Variants in TMEM178B observed in about 807,000 individuals in gnomAD.
The protein encoded by TMEM178B is transmembrane protein 178B.
Under a neutral mutation model 31.0 loss-of-function variants are expected in TMEM178B, and 5 were observed. That is an observed-to-expected ratio of 0.16 (90% CI 0.08 to 0.34). The LOEUF (loss-of-function observed/expected upper bound fraction) is 0.34, where lower values mean the gene tolerates loss of function less well. Ranked by LOEUF, TMEM178B falls within the 10% of genes least tolerant of loss-of-function variation. The pLI, the probability that TMEM178B is intolerant of heterozygous loss-of-function variation, is 1.00. For synonymous variants in TMEM178B, 164 were observed against 164.0 expected (o/e 1.00, Z 0.00); for missense variants, 275 against 400.3 (o/e 0.69, Z 2.67).
intron 1 of TMEM178B, among the ~76,000 whole-genome samples, chr7:141,094,117 A>G (rs988293395): frequency 2.6e-5 from 4 of 152,184 alleles, no homozygotes; most frequent in Non-Finnish European, 5.9e-5. Context: ...AAAAACAAAA[A>G]GGAGAGAATA....
intron 2 of TMEM178B, among the ~76,000 whole-genome samples, chr7:141,245,692 C>G (rs1797719753): frequency 1.3e-5 from 2 of 152,170 alleles, no homozygotes; most frequent in South Asian, 4.2e-4. Context: ...AGCCAGCTCC[C>G]CTGATGGAAC....
At chr7:141,181,879 A>G (rs1324410466) in intron 1 of TMEM178B, among the ~76,000 whole-genome samples, 1 of 152,160 alleles carries the variant, frequency 6.6e-6, no homozygotes, top group Non-Finnish European at 1.5e-5. Flanking sequence ...CCCAACTAGG[A>G]GGCTCGCCTC....
chr7:141,291,295 T>A (rs1051393233), intron 2 of TMEM178B, among the ~76,000 whole-genome samples: 2 of 152,092 alleles, frequency 1.3e-5, no homozygotes, highest in African/African-American at 4.8e-5. Flanking sequence ...CTTTTTATGA[T>A]CTCGAGGCCT....
At chr7:141,413,680 T>C (rs1801044558) in intron 2 of TMEM178B, among the ~76,000 whole-genome samples, 1 of 152,246 alleles carries the variant, frequency 6.6e-6, no homozygotes, top group Non-Finnish European at 1.5e-5. Flanking sequence ...AATGCCTCCA[T>C]GGAAGGACAG....
the TMEM178B span, among the ~76,000 whole-genome samples, chr7:141,507,780 C>T: frequency 6.6e-6 from 1 of 152,306 alleles, no homozygotes; most frequent in East Asian, 1.9e-4. Context: ...GTATGTTGGC[C>T]CCTTTCAGCC....
At chr7:141,086,068 A>G (rs1794783112) in intron 1 of TMEM178B, among the ~76,000 whole-genome samples, 1 of 152,038 alleles carries the variant, frequency 6.6e-6, no homozygotes, top group Admixed American at 6.6e-5. Flanking sequence ...ACCGAGTCTT[A>G]CTCTGTCGCT....
intron 2 of TMEM178B, among the ~76,000 whole-genome samples, chr7:141,338,658 TA>T (rs1799466077): frequency 6.6e-6 from 1 of 152,110 alleles, no homozygotes; most frequent in South Asian, 2.1e-4. Context: ...TGGGACACTG[TA>T]TGCAGTATGA....
intron 2 of TMEM178B, among the ~76,000 whole-genome samples, chr7:141,354,651 AAATCC>A (rs1284777896): frequency 6.6e-6 from 1 of 152,170 alleles, no homozygotes; most frequent in African/African-American, 2.4e-5. Context: ...CCCCAAAGTC[AAATCC>A]TTTTAAGCCT....
In TMEM178B at chr7:141,227,451, T is replaced by A. The variant is rs549932822; in HGVS notation, c.496+14747T>A. Among the ~76,000 whole-genome samples, 37 of 152,328 alleles carry A rather than the reference T, an allele frequency of 2.4e-4. 1 individual carries two copies. The South Asian group carries it at 6.8e-3, about 28-fold the overall frequency. On this transcript the variant is annotated intron_variant, in intron 2 of 3. Coordinates refer to ENST00000565468, the MANE Select transcript of TMEM178B (RefSeq NM_001195278.2). ...CAGAGGCTGTGCTAAGTGCCTGACATACCTTATTCACTGAAATCTCAAATG... is the reference window on the plus strand; with the variant it reads ...CAGAGGCTGTGCTAAGTGCCTGACAAACCTTATTCACTGAAATCTCAAATG...
chr7:141,303,862 G>A (rs2116445785), intron 2 of TMEM178B, among the ~76,000 whole-genome samples: 1 of 152,334 alleles, frequency 6.6e-6, no homozygotes, highest in South Asian at 2.1e-4. Context: ...CAGGCACTAT[G>A]CAAAGTGCAT....
intron 2 of TMEM178B, among the ~76,000 whole-genome samples, chr7:141,423,330 A>G (rs1356768570): frequency 6.6e-6 from 1 of 152,242 alleles, no homozygotes; most frequent in Non-Finnish European, 1.5e-5. Flanking sequence ...TGCCCAGCCC[A>G]TAATGTACTT....
Position 141,244,416 on chromosome 7 carries a change from A to G in TMEM178B, c.496+31712A>G, listed in dbSNP as rs553200937. Among the ~76,000 whole-genome samples, 66 of 152,344 alleles carry G rather than the reference A, an allele frequency of 4.3e-4. 1 individual carries two copies. Among genetic ancestry groups the G allele is most frequent in the African/African-American group, 1.5e-3 (64 of 41,580 alleles). ...CTATGACTGGGATAACTGGAGAGAA[A>G]GGAAGATGACATTTTGAGTTGGAAT... On this transcript the variant is annotated intron_variant, in intron 2 of 3. Transcript: ENST00000565468.
chr7:141,365,313 A>G (rs548513721), intron 2 of TMEM178B, among the ~76,000 whole-genome samples: 4 of 152,224 alleles, frequency 2.6e-5, no homozygotes, highest in Admixed American at 1.3e-4. Context: ...GGACATCTGT[A>G]AAATGAGGCA....
In TMEM178B at chr7:141,237,222, G is replaced by GT. The variant is rs1295216972; in HGVS notation, c.496+24520dup. 2.6e-5 allele frequency among the ~76,000 whole-genome samples: 4 copies of GT among 152,170 alleles called. No homozygotes were observed. The South Asian group carries it at 8.3e-4, about 32-fold the overall frequency. On this transcript the variant is annotated intron_variant, in intron 2 of 3. Transcript: ENST00000565468. ...CAATATTTATCACAAGTCTTAGAATGTTCATACTCTGTGACTAAGTAATCC... is the reference window on the plus strand; with the variant it reads ...CAATATTTATCACAAGTCTTAGAATGTTTCATACTCTGTGACTAAGTAATCC...
intron 1 of TMEM178B, among the ~76,000 whole-genome samples, chr7:141,196,704 T>C (rs1428028157): frequency 6.6e-6 from 1 of 152,110 alleles, no homozygotes; most frequent in Non-Finnish European, 1.5e-5. Context: ...CAAACTATAT[T>C]TGGTGCTGAG....
intron 1 of TMEM178B, among the ~76,000 whole-genome samples, chr7:141,202,652 C>T (rs1018277593): frequency 6.6e-6 from 1 of 152,210 alleles, no homozygotes; most frequent in Non-Finnish European, 1.5e-5. Context: ...TTCTTTCTGG[C>T]TGGGCCTGCA....
intron 1 of TMEM178B, among the ~76,000 whole-genome samples, chr7:141,115,754 C>T (rs780761486): frequency 6.6e-5 from 10 of 152,166 alleles, no homozygotes; most frequent in Admixed American, 1.3e-4. Flanking sequence ...GCATTCACCT[C>T]TGAGGGCAAA....
intron 1 of TMEM178B, among the ~76,000 whole-genome samples, chr7:141,165,885 A>G (rs1158994858): frequency 1.3e-5 from 2 of 152,176 alleles, no homozygotes; most frequent in African/African-American, 4.8e-5. Flanking sequence ...AGATTAAGTG[A>G]CTTTATGTAC....
chr7:141,405,456 G>A (rs75278382), intron 2 of TMEM178B, among the ~76,000 whole-genome samples: 7,075 of 152,344 alleles, frequency 0.046, 244 homozygotes, highest in South Asian at 0.098. Flanking sequence ...GATTTTGACT[G>A]TGGGGCCAGT....
Sources: allele counts gnomAD v4.1 joint callset (sites outside exome capture counted in the v4.1 genomes callset), GRCh38; gene constraint gnomAD v4.1.1; transcripts MANE v1.5; gene names NCBI Gene and HGNC (gene_info 2026-07-23, HGNC 2026-07-21).